NKAIN3: variants seen among roughly 807,000 people sequenced by gnomAD.
NKAIN3 encodes the protein sodium/potassium transporting ATPase interacting 3, also known as sodium/potassium-transporting ATPase subunit beta-1-interacting protein 3.
NKAIN3 carries 25 observed loss-of-function variants against 30.2 expected under a neutral mutation model. The observed-to-expected ratio is 0.83, with a 90% CI of 0.60 to 1.16. The LOEUF (loss-of-function observed/expected upper bound fraction) is 1.16. NKAIN3 is among the 50% of genes most tolerant of loss of function. The pLI, the probability that NKAIN3 is intolerant of heterozygous loss-of-function variation, is 0.00. For synonymous variants in NKAIN3, 91 were observed against 89.6 expected (o/e 1.02, Z -0.09); for missense variants, 225 against 254.1 (o/e 0.89, Z 0.78).
At chr8:62,418,665 G>T (rs1804532558) in intron 1 of NKAIN3, among the ~76,000 whole-genome samples, 1 of 152,084 alleles carries the variant, frequency 6.6e-6, no homozygotes, top group African/African-American at 2.4e-5. Flanking sequence ...ACATTTTTCA[G>T]TGTTCTGGGG....
rs1445413162 is a variant in NKAIN3, at chr8:62,653,100, T to G, written c.273+63306T>G. Among the ~76,000 whole-genome samples the G allele has an allele frequency of 5.9e-5, 9 of 152,306 alleles. No homozygotes were observed. In the South Asian group the frequency reaches 1.9e-3, roughly 32 times the overall value. ...TGAGATTCTTCTCTGTGTTGGGTAC[T>G]AGATTAGTCAGCTCAGGCTGCCATA... On this transcript the variant is annotated intron_variant, in intron 3 of 6. Transcript: ENST00000623646.
At chr8:62,341,129 C>A (rs1815731910) in intron 1 of NKAIN3, among the ~76,000 whole-genome samples, 1 of 151,916 alleles carries the variant, frequency 6.6e-6, no homozygotes, top group Non-Finnish European at 1.5e-5. Context: ...CACTTTCTAG[C>A]CATTAATTTG....
intron 1 of NKAIN3, among the ~76,000 whole-genome samples, chr8:62,484,793 G>T (rs1806845364): frequency 8.5e-5 from 13 of 152,152 alleles, no homozygotes; most frequent in Admixed American, 8.5e-4. Flanking sequence ...TGTAGCCTCT[G>T]CTGCAGCACA....
chr8:62,816,414 C>T (rs1197435285), intron 4 of NKAIN3, among the ~76,000 whole-genome samples: 1 of 152,150 alleles, frequency 6.6e-6, no homozygotes, highest in East Asian at 1.9e-4. Context: ...CATAAGCATG[C>T]AGCAACTCTG....
chr8:62,562,761 T>C (rs1809628798), intron 1 of NKAIN3, among the ~76,000 whole-genome samples: 1 of 152,188 alleles, frequency 6.6e-6, no homozygotes, highest in Admixed American at 6.6e-5. Context: ...TTTCTATATA[T>C]TATTTTCTAA....
At chr8:62,785,663 A>C (rs1327577942) in intron 4 of NKAIN3, among the ~76,000 whole-genome samples, 1 of 152,164 alleles carries the variant, frequency 6.6e-6, no homozygotes, top group Non-Finnish European at 1.5e-5. Context: ...CCAGGAATGC[A>C]AGATTAGCGA....
intron 5 of NKAIN3, among the ~76,000 whole-genome samples, chr8:62,926,841 C>T (rs1167366608): frequency 6.6e-6 from 1 of 152,162 alleles, no homozygotes; most frequent in Non-Finnish European, 1.5e-5. Flanking sequence ...AAAAAGCAGA[C>T]TTCATTTTGT....
intron 4 of NKAIN3, chr8:62,855,480 G>C: frequency 7.3e-7 from 1 of 1,364,404 alleles, no homozygotes; most frequent in African/African-American, 1.4e-5. Context: ...TCATTATTTT[G>C]TTTTCTCTTG....
chr8:62,744,026 G>A (rs1815990991), intron 3 of NKAIN3, among the ~76,000 whole-genome samples: 1 of 152,182 alleles, frequency 6.6e-6, no homozygotes, highest in Non-Finnish European at 1.5e-5. Flanking sequence ...GGAGAAAAGG[G>A]TTCTGGTTCG....
At chr8:62,857,840 CA>C (rs1663441806) in intron 4 of NKAIN3, among the ~76,000 whole-genome samples, 1 of 152,192 alleles carries the variant, frequency 6.6e-6, no homozygotes, top group Non-Finnish European at 1.5e-5. Flanking sequence ...CTACTTCTGT[CA>C]TTTCAGCATC....
chr8:62,263,365 G>A (rs1381453294), intron 1 of NKAIN3, among the ~76,000 whole-genome samples: 2 of 152,108 alleles, frequency 1.3e-5, no homozygotes, highest in African/African-American at 4.8e-5. Flanking sequence ...GAGGTAATCT[G>A]GAATGTACAT....
intron 1 of NKAIN3, among the ~76,000 whole-genome samples, chr8:62,335,706 C>T (rs934833315): frequency 6.6e-6 from 1 of 151,992 alleles, no homozygotes; most frequent in Non-Finnish European, 1.5e-5. Context: ...CAACCAGATG[C>T]AGGTCACTAG....
intron 1 of NKAIN3, among the ~76,000 whole-genome samples, chr8:62,488,001 C>A (rs1053958643): frequency 6.6e-6 from 1 of 152,176 alleles, no homozygotes; most frequent in African/African-American, 2.4e-5. Flanking sequence ...GGCCACCAGG[C>A]AGATTTACTG....
chr8:62,378,805 T>A (rs1314374992), intron 1 of NKAIN3, among the ~76,000 whole-genome samples: 1 of 152,144 alleles, frequency 6.6e-6, no homozygotes, highest in Non-Finnish European at 1.5e-5. Context: ...GAACCTCTGC[T>A]AGTGCCATGC....
intron 1 of NKAIN3, among the ~76,000 whole-genome samples, chr8:62,386,903 G>A (rs1481616464): frequency 1.4e-5 from 2 of 143,090 alleles, no homozygotes; most frequent in Non-Finnish European, 3.0e-5. Context: ...TGGTGTTTCC[G>A]AATTGATATA....
chr8:62,588,694 A>G (rs535834849), intron 2 of NKAIN3, among the ~76,000 whole-genome samples: 1 of 152,042 alleles, frequency 6.6e-6, no homozygotes, highest in East Asian at 1.9e-4. Context: ...TTTAATTTAA[A>G]AACAGTATGC....
chr8:62,427,440 C>T (rs1343818290), intron 1 of NKAIN3, among the ~76,000 whole-genome samples: 1 of 151,928 alleles, frequency 6.6e-6, no homozygotes, highest in Non-Finnish European at 1.5e-5. Context: ...AGTTTCCTCA[C>T]ATGAAGTGTA....
intron 1 of NKAIN3, among the ~76,000 whole-genome samples, chr8:62,368,562 TG>T (rs57808506): frequency 0.97 from 147,356 of 152,020 alleles, 71,474 homozygotes; most frequent in East Asian, 1. Flanking sequence ...TACAGCTAGC[TG>T]GGGAAGGGCA....
chr8:62,302,359 G>A (rs1814078393), intron 1 of NKAIN3, among the ~76,000 whole-genome samples: 1 of 152,044 alleles, frequency 6.6e-6, no homozygotes, highest in Non-Finnish European at 1.5e-5. Flanking sequence ...ATCAAAGAGA[G>A]CTCTACAGGT....
Sources: gnomAD v4.1 joint callset for allele counts (sites outside exome capture counted in the v4.1 genomes callset) on GRCh38, gnomAD v4.1.1 for gene constraint, MANE v1.5 for transcripts, NCBI Gene and HGNC (gene_info 2026-07-23, HGNC 2026-07-21) for gene names.